The following PEX10 variants were observed in gnomAD, a reference collection of about 807,000 sequenced individuals.
PEX10 encodes the protein peroxisomal biogenesis factor 10, also known as peroxisome biogenesis factor 10.
Under a neutral mutation model 38.0 loss-of-function variants are expected in PEX10, and 32 were observed. The observed-to-expected ratio is 0.84, with a 90% CI of 0.63 to 1.13. The LOEUF is 1.13. PEX10 is among the 50% of genes most tolerant of loss of function. The pLI, the probability that PEX10 is intolerant of heterozygous loss-of-function variation, is 0.00. For synonymous variants in PEX10, 206 were observed against 207.3 expected (o/e 0.99, Z 0.05); for missense variants, 483 against 457.7 (o/e 1.06, Z -0.51).
chr1:2,410,942 C>G lies in PEX10; in HGVS notation c.113-491G>C. The stretch of plus-strand genomic sequence containing the variant: ...CAGTGTCTGGCACAGGGGTAAGTGC[C>G]AAGTGTACTGTAAAACAAGTAAGTA... On this transcript the variant is annotated intron_variant, in intron 1 of 5. Coordinates refer to ENST00000447513, the MANE Select transcript of PEX10 (RefSeq NM_002617.4). This position sits in a 1 kb window ranked among gnomAD's most constrained non-coding sequence, Gnocchi z 5.1. 1 of 449,892 alleles carries G rather than the reference C, an allele frequency of 2.2e-6. No homozygotes were observed. Among genetic ancestry groups the G allele is most frequent in the East Asian group, 7.0e-5 (1 of 14,272 alleles). The allele number at this position is 449,892 out of a possible 1,614,324, so 27.9% of individuals were successfully genotyped here. A position where few individuals can be genotyped will look rare whatever the true frequency, so the allele number is the denominator to read the frequency against.
chr1:2,412,305 A>T (rs936487528), intron 1 of PEX10, 86 bp downstream of exon 1: 43 of 1,271,668 alleles, frequency 3.4e-5, no homozygotes, highest in Non-Finnish European at 4.0e-5. Flanking sequence ...GGCGACCGTG[A>T]CCACACACGG....
chr1:2,411,740 G>A (rs1489364547), intron 1 of PEX10, among the ~76,000 whole-genome samples: 1 of 152,104 alleles, frequency 6.6e-6, no homozygotes, highest in Non-Finnish European at 1.5e-5. Context: ...GTCTTGCCAT[G>A]TTGCCCAGGC....
chr1:2,405,617 C>T lies in PEX10; in HGVS notation c.*149G>A, dbSNP rs756706668. On this transcript the variant is annotated 3_prime_UTR_variant, in exon 6 of 6. Coordinates refer to ENST00000447513, the MANE Select transcript of PEX10 (RefSeq NM_002617.4). Reference sequence around the variant, plus strand: ...GCGCAGCCAGGGACAGCTTTCTGTTCTCTCCCAGGGTGGCTAGGTTAGTAT... The same window carrying T: ...GCGCAGCCAGGGACAGCTTTCTGTTTTCTCCCAGGGTGGCTAGGTTAGTAT... The T allele has an allele frequency of 3.8e-6, 3 of 781,084 alleles. No homozygotes were observed. Among genetic ancestry groups the T allele is most frequent in the Non-Finnish European group, 6.6e-6 (3 of 457,184 alleles). The allele number at this position is 781,084 out of a possible 1,614,324, so 48.4% of individuals were successfully genotyped here.
At position 2,410,406 on chromosome 1, in the gene PEX10, G is replaced by A; in HGVS notation, c.158C>T (p.Ser53Leu). The A allele has an allele frequency of 1.2e-6, 2 of 1,614,130 alleles. No homozygotes were observed. Among genetic ancestry groups the A allele is most frequent in the East Asian group, 4.5e-5 (2 of 44,882 alleles). ...LEWRKEVELL[S>L]DVAYFGLTTL... ...GGTGAGGCCAAAGTAGGCCACATCTGAGAGCAGCTCAACCTCCTTCCTCCA... is the reference window on the plus strand; with the variant it reads ...GGTGAGGCCAAAGTAGGCCACATCTAAGAGCAGCTCAACCTCCTTCCTCCA... Residue 53 changes from serine (S) to leucine (L), a missense_variant, in exon 2 of 6, where the codon TCA becomes TTA. Coordinates refer to ENST00000447513, the MANE Select transcript of PEX10 (RefSeq NM_002617.4). The surrounding 1 kb of genome is among the most constrained non-coding windows in gnomAD (Gnocchi z 5.1).
Position 2,412,483 on chromosome 1 carries a change from C to G in PEX10, c.20G>C (p.Ser7Thr), listed in dbSNP as rs1311473724. The G allele has an allele frequency of 1.4e-6, 2 of 1,383,742 alleles. No homozygotes were observed. Among genetic ancestry groups the G allele is most frequent in the South Asian group, 3.2e-5 (2 of 62,028 alleles). 85.7% of individuals were successfully genotyped at this position (1,383,742 alleles called of 1,614,324 possible). Residue 7 changes from serine to threonine, a missense_variant, in exon 1 of 6, where the codon AGC becomes ACC. Coordinates refer to ENST00000447513, the MANE Select transcript of PEX10 (RefSeq NM_002617.4). MAPAAA[S>T]PPEVIRAAQK... The stretch of plus-strand genomic sequence containing the variant: ...CGCCGCGCGGATCACCTCCGGGGGG[C>G]TGGCGGCGGCCGGGGCCATGGCCGC...
rs925171808 is a variant in PEX10, at chr1:2,412,516, G to C, written c.-14C>G. Reference sequence around the variant, plus strand: ...GGCCGGGGCCATGGCCGCGGGTTCGGGTGGTCCCGAGCAGCCACGCCGGCC... The same window carrying C: ...GGCCGGGGCCATGGCCGCGGGTTCGCGTGGTCCCGAGCAGCCACGCCGGCC... On this transcript the variant is annotated 5_prime_UTR_variant, in exon 1 of 6. Transcript: ENST00000447513. 3.0e-6 allele frequency: 4 copies of C among 1,344,298 alleles called. No individual in the cohort carries two copies. The African/African-American group carries it at 6.1e-5, about 21-fold the overall frequency. The allele number at this position is 1,344,298 out of a possible 1,614,324, so 83.3% of individuals were successfully genotyped here.
chr1:2,412,336 G>A (rs1178193873), intron 1 of PEX10, 55 bp downstream of exon 1: 2 of 1,311,198 alleles, frequency 1.5e-6, no homozygotes, highest in Admixed American at 4.2e-5. Context: ...GCCTCCATGA[G>A]GGGCAACACC....
chr1:2,410,147 T>A lies in PEX10; in HGVS notation c.193+224A>T. On this transcript the variant is annotated intron_variant, in intron 2 of 5. Transcript: ENST00000447513. The surrounding 1 kb of genome is among the most constrained non-coding windows in gnomAD (Gnocchi z 5.1). ...CTCAGTGGCACCCGGGGTAAAGTCT[T>A]AAACAAAGAACCCCAGGGACACACA... 1.8e-6 allele frequency: 1 copy of A among 555,672 alleles called. No individual in the cohort carries two copies. Among genetic ancestry groups the A allele is most frequent in the South Asian group, 2.0e-5 (1 of 51,202 alleles). The allele number at this position is 555,672 out of a possible 1,614,324, so 34.4% of individuals were successfully genotyped here.
At position 2,410,444 on chromosome 1, in the gene PEX10, C is replaced by A. The variant is rs1363831554; in HGVS notation, c.120G>T (p.Arg40Ser). ...CCTCCTTCCTCCACTCCAGCCACTT[C>A]CTCGCACCTGAGAGGAGAAACAGTA... is the stretch of plus-strand genomic sequence containing the variant. ...GGALHSLAGA[R>S]KWLEWRKEVE... The change falls in exon 2 of 6, where the codon AGG becomes AGT. Residue 40 changes from arginine to serine, a missense_variant. Arg to Ser is a moderately radical substitution (Grantham distance 110). Transcript: ENST00000447513. This position sits in a 1 kb window ranked among gnomAD's most constrained non-coding sequence, Gnocchi z 5.1. 2 of 1,613,948 alleles carry A rather than the reference C, an allele frequency of 1.2e-6. No individual in the cohort carries two copies. The highest frequency in any genetic ancestry group is 1.7e-6 in the Non-Finnish European group (2 of 1,179,968).
intron 4 of PEX10, 44 bp from the exon 5 acceptor site, chr1:2,406,663 G>C: frequency 6.2e-7 from 1 of 1,612,254 alleles, no homozygotes; most frequent in Non-Finnish European, 8.5e-7. Flanking sequence ...GCACCTTACA[G>C]GTCCTTGTGA....
Position 2,410,605 on chromosome 1 carries a change from C to A in PEX10, c.113-154G>T. The stretch of plus-strand genomic sequence containing the variant: ...CCCTGGCCTCCCTCTCTGCTTCTGT[C>A]TCCGGAGGCACCACCTTGACTTGCC... On this transcript the variant is annotated intron_variant, in intron 1 of 5. Coordinates refer to ENST00000447513, the MANE Select transcript of PEX10 (RefSeq NM_002617.4). This position sits in a 1 kb window ranked among gnomAD's most constrained non-coding sequence, Gnocchi z 5.1. The A allele has an allele frequency of 1.4e-6, 1 of 699,926 alleles. No individual in the cohort carries two copies. The highest frequency in any genetic ancestry group is 2.6e-6 in the Non-Finnish European group (1 of 391,428). The allele number at this position is 699,926 out of a possible 1,614,324, so 43.4% of individuals were successfully genotyped here. A position where few individuals can be genotyped will look rare whatever the true frequency, so the allele number is the denominator to read the frequency against.
At chr1:2,411,801 C>T (rs1011898202) in intron 1 of PEX10, among the ~76,000 whole-genome samples, 1 of 152,208 alleles carries the variant, frequency 6.6e-6, no homozygotes, top group African/African-American at 2.4e-5. Flanking sequence ...GCCTCCCAAA[C>T]TGCTGGGATG....
Position 2,404,437 on chromosome 1 carries a change from G to C in PEX10, c.*1329C>G, listed in dbSNP as rs768805802. 3.3e-5 allele frequency: 5 copies of C among 152,272 alleles called. No individual in the cohort carries two copies. Among genetic ancestry groups the C allele is most frequent in the Non-Finnish European group, 7.3e-5 (5 of 68,052 alleles). The allele number at this position is 152,272 out of a possible 1,614,324, so 9.4% of individuals were successfully genotyped here. On this transcript the variant is annotated 3_prime_UTR_variant, in exon 6 of 6. Coordinates refer to ENST00000447513, the MANE Select transcript of PEX10 (RefSeq NM_002617.4). ...TAATAAGCGCTCAGGCCTAAGGTGT[G>C]ACAGGAAGTCGCACGCGCTTGGCCA...
In PEX10 at chr1:2,405,378, C is replaced by T. The variant is rs1642964743; in HGVS notation, c.*388G>A. On this transcript the variant is annotated 3_prime_UTR_variant, in exon 6 of 6. Coordinates refer to ENST00000447513, the MANE Select transcript of PEX10 (RefSeq NM_002617.4). ...GCACTCATTCAGTCCATTGCCTTAACACAAGCCTGATGGGGCTGTTTTCTC... is the reference window on the plus strand; with the variant it reads ...GCACTCATTCAGTCCATTGCCTTAATACAAGCCTGATGGGGCTGTTTTCTC... The T allele has an allele frequency of 8.0e-6, 3 of 373,930 alleles. No individual in the cohort carries two copies. Among genetic ancestry groups the T allele is most frequent in the South Asian group, 4.2e-5 (2 of 47,222 alleles). The allele number at this position is 373,930 out of a possible 1,614,324, so 23.2% of individuals were successfully genotyped here. A position where few individuals can be genotyped will look rare whatever the true frequency, so the allele number is the denominator to read the frequency against.
In PEX10 at chr1:2,405,395, T is replaced by C. The variant is rs897205763; in HGVS notation, c.*371A>G. The C allele has an allele frequency of 5.1e-6, 2 of 389,776 alleles. No homozygotes were observed. The highest frequency in any genetic ancestry group is 4.2e-5 in the African/African-American group (2 of 48,074). 24.1% of individuals were successfully genotyped at this position (389,776 alleles called of 1,614,324 possible). A position where few individuals can be genotyped will look rare whatever the true frequency, so the allele number is the denominator to read the frequency against. On this transcript the variant is annotated 3_prime_UTR_variant, in exon 6 of 6. Coordinates refer to ENST00000447513, the MANE Select transcript of PEX10 (RefSeq NM_002617.4). ...TGCCTTAACACAAGCCTGATGGGGC[T>C]GTTTTCTCACAATATAAACGAATAA...
chr1:2,411,980 C>T (rs1442895085), intron 1 of PEX10, among the ~76,000 whole-genome samples: 1 of 152,236 alleles, frequency 6.6e-6, no homozygotes, highest in South Asian at 2.1e-4. Flanking sequence ...AGGTATGAGG[C>T]GTTCGCGCCG....
rs1643117945 is a variant in PEX10 at position 2,409,551 on chromosome 1, T to C, written c.194-693A>G. 6.2e-6 allele frequency: 1 copy of C among 162,588 alleles called. No individual in the cohort carries two copies. 10.1% of individuals were successfully genotyped at this position (162,588 alleles called of 1,614,324 possible). A position where few individuals can be genotyped will look rare whatever the true frequency, so the allele number is the denominator to read the frequency against. Reference sequence around the variant, plus strand: ...CTGTGGGGGACTGTCACAGCCTCTGTAGTCTCCCTGAGCCCAACTTTGTCC... The same window carrying C: ...CTGTGGGGGACTGTCACAGCCTCTGCAGTCTCCCTGAGCCCAACTTTGTCC... On this transcript the variant is annotated intron_variant, in intron 2 of 5. Transcript: ENST00000447513. The surrounding 1 kb of genome is among the most constrained non-coding windows in gnomAD (Gnocchi z 6.2).
chr1:2,413,104 G>C (rs1195006832), upstream of PEX10, among the ~76,000 whole-genome samples: 1 of 152,232 alleles, frequency 6.6e-6, no homozygotes, highest in African/African-American at 2.4e-5. Flanking sequence ...GGGGGCCAGA[G>C]GGGCACGAGG....
Position 2,412,521 on chromosome 1 carries a change from T to A in PEX10, c.-19A>T. 3.8e-6 allele frequency: 5 copies of A among 1,331,714 alleles called. No individual in the cohort carries two copies. Among genetic ancestry groups the A allele is most frequent in the Non-Finnish European group, 4.8e-6 (5 of 1,045,324 alleles). 82.5% of individuals were successfully genotyped at this position (1,331,714 alleles called of 1,614,324 possible). A position where few individuals can be genotyped will look rare whatever the true frequency, so the allele number is the denominator to read the frequency against. On this transcript the variant is annotated 5_prime_UTR_variant, in exon 1 of 6. Coordinates refer to ENST00000447513, the MANE Select transcript of PEX10 (RefSeq NM_002617.4). ...GGGCCATGGCCGCGGGTTCGGGTGG[T>A]CCCGAGCAGCCACGCCGGCCACGCC...
Sources: allele counts gnomAD v4.1 joint callset (sites outside exome capture counted in the v4.1 genomes callset), GRCh38; gene constraint gnomAD v4.1.1; non-coding constraint Gnocchi (gnomAD v3.1); transcripts MANE v1.5; gene names NCBI Gene and HGNC (gene_info 2026-07-23, HGNC 2026-07-21).